The following UBTD2 variants were observed in gnomAD, a reference collection of about 807,000 sequenced individuals.
UBTD2 encodes ubiquitin domain-containing protein 2.
In UBTD2, 9 loss-of-function variants were observed where a neutral mutation model predicts 19.8. The ratio of observed to expected loss-of-function variants is 0.46; its 90% CI spans 0.27 to 0.79. The LOEUF is 0.79. Ranked by LOEUF, UBTD2 falls within the 30% of genes least tolerant of loss-of-function variation. The probability of loss-of-function intolerance (pLI) is 0.14; values close to 1 mark genes in which losing one functional copy is unlikely to be tolerated. For missense variants in UBTD2, 250 were observed against 300.4 expected, an observed-to-expected ratio of 0.83 and a Z score of 1.24; for synonymous variants, 98 against 103.9, an observed-to-expected ratio of 0.94 and a Z score of 0.35.
At chr5:172,241,413 T>TAAA (rs1175413571) in intron 1 of UBTD2, among the ~76,000 whole-genome samples, 4 of 118,282 alleles carry the variant, frequency 3.4e-5, no homozygotes, top group Non-Finnish European at 3.6e-5. Context: ...CTGTCTCAAT[T>TAAA]AAAAAAAAAA....
At chr5:172,277,242 TAA>T (rs1050070294) in intron 1 of UBTD2, among the ~76,000 whole-genome samples, 4 of 152,080 alleles carry the variant, frequency 2.6e-5, no homozygotes, top group Non-Finnish European at 4.4e-5. Flanking sequence ...ACAGAGGAAA[TAA>T]AAGTTTTCCA....
intron 1 of UBTD2, among the ~76,000 whole-genome samples, chr5:172,274,877 A>G (rs1484803815): frequency 6.6e-6 from 1 of 152,158 alleles, no homozygotes. Context: ...TCTACTAAAA[A>G]TACAAAAAAT....
chr5:172,274,129 G>A (rs1163370010), intron 1 of UBTD2, among the ~76,000 whole-genome samples: 4 of 130,754 alleles, frequency 3.1e-5, no homozygotes, highest in Admixed American at 2.6e-4. Context: ...GCTCAATTTT[G>A]CTTTACTTTT....
chr5:172,242,257 T>G (rs1467450154), intron 1 of UBTD2: 1 of 416,068 alleles, frequency 2.4e-6, no homozygotes, highest in African/African-American at 2.2e-5. Context: ...TATTCCTTTA[T>G]GGCAAGGCAA....
chr5:172,249,214 A>G (rs1348834320), intron 1 of UBTD2, among the ~76,000 whole-genome samples: 1 of 151,710 alleles, frequency 6.6e-6, no homozygotes, highest in African/African-American at 2.4e-5. Flanking sequence ...CTTGGCCAAC[A>G]TGGTGAAACC....
chr5:172,217,418 CAAAAA>C (rs35018283), intron 2 of UBTD2, among the ~76,000 whole-genome samples: 10 of 114,866 alleles, frequency 8.7e-5, no homozygotes, highest in Non-Finnish European at 1.5e-4. Context: ...GACTCTGTCT[CAAAAA>C]AAAAAAAAAA....
At chr5:172,252,183 TAA>T (rs2113068482) in intron 1 of UBTD2, among the ~76,000 whole-genome samples, 1 of 152,362 alleles carries the variant, frequency 6.6e-6, no homozygotes, top group Admixed American at 6.5e-5. Context: ...GTTACTTGAA[TAA>T]ATGTTTAACA....
intron 1 of UBTD2, among the ~76,000 whole-genome samples, chr5:172,240,972 C>A (rs1490728699): frequency 6.6e-6 from 1 of 151,680 alleles, no homozygotes; most frequent in Non-Finnish European, 1.5e-5. Context: ...AACATGAGAC[C>A]ACTGCAACTT....
intron 1 of UBTD2, among the ~76,000 whole-genome samples, chr5:172,246,394 T>A (rs1754882946): frequency 6.7e-6 from 1 of 149,010 alleles, no homozygotes; most frequent in East Asian, 2.0e-4. Context: ...TATCAGTCAC[T>A]ATATGATCTA....
intron 2 of UBTD2, among the ~76,000 whole-genome samples, chr5:172,222,367 C>T (rs1771669000): frequency 6.6e-6 from 1 of 152,174 alleles, no homozygotes; most frequent in African/African-American, 2.4e-5. Flanking sequence ...TTCTTACATT[C>T]TAGAGTCACT....
Position 172,278,755 on chromosome 5 carries a change from T to C in UBTD2, c.70+4841A>G, listed in dbSNP as rs545110320. On this transcript the variant is annotated intron_variant, in intron 1 of 2. Transcript: ENST00000393792. ...AAAATGGTTGAGACGGTAATTGTTA[T>C]ATGTTTTGCCACAATTTTATTTTTA... Among the ~76,000 whole-genome samples, 12 of 152,300 alleles carry C rather than the reference T, an allele frequency of 7.9e-5. 1 individual carries two copies. Among genetic ancestry groups the C allele is most frequent in the African/African-American group, 2.2e-4 (9 of 41,562 alleles).
intron 2 of UBTD2, among the ~76,000 whole-genome samples, chr5:172,223,221 A>G (rs1013702361): frequency 4.6e-5 from 7 of 152,218 alleles, no homozygotes; most frequent in African/African-American, 1.7e-4. Flanking sequence ...CAGCTGAATT[A>G]TCTACAAGTA....
intron 1 of UBTD2, among the ~76,000 whole-genome samples, chr5:172,266,638 T>C (rs1455769979): frequency 6.6e-6 from 1 of 152,138 alleles, no homozygotes; most frequent in East Asian, 1.9e-4. Flanking sequence ...AGGTGAGAGA[T>C]AGGGAGAGTA....
In UBTD2 at chr5:172,238,360, C is replaced by A. The variant is rs768220934; in HGVS notation, c.71-4002G>T. Among the ~76,000 whole-genome samples, 122 of 152,240 alleles carry A rather than the reference C, an allele frequency of 8.0e-4. 1 individual carries two copies. Among genetic ancestry groups the A allele is most frequent in the Admixed American group, 1.4e-3 (21 of 15,276 alleles). On this transcript the variant is annotated intron_variant, in intron 1 of 2. Transcript: ENST00000393792. Reference sequence around the variant, plus strand: ...TATCCTTAAACTGCAGGTAACCAACCATCTTTAGTGCACTATGAATTAACA... The same window carrying A: ...TATCCTTAAACTGCAGGTAACCAACAATCTTTAGTGCACTATGAATTAACA...
chr5:172,235,470 T>C (rs781042271), intron 1 of UBTD2, among the ~76,000 whole-genome samples: 7 of 152,186 alleles, frequency 4.6e-5, no homozygotes, highest in South Asian at 2.1e-4. Context: ...ATCAGTACTT[T>C]AGTTTTTTTG....
chr5:172,283,781 T>G, upstream of UBTD2: 2 of 660,444 alleles, frequency 3.0e-6, no homozygotes, highest in Non-Finnish European at 3.9e-6. The surrounding 1 kb of genome is among the most constrained non-coding windows in gnomAD (Gnocchi z 4.3). Context: ...GCCGCTCCGC[T>G]CGCCCGCCGC....
At chr5:172,263,457 T>C (rs1755312501) in intron 1 of UBTD2, among the ~76,000 whole-genome samples, 1 of 152,104 alleles carries the variant, frequency 6.6e-6, no homozygotes, top group African/African-American at 2.4e-5. Context: ...CATAAACATA[T>C]GTTATAAAGT....
intron 2 of UBTD2, among the ~76,000 whole-genome samples, chr5:172,233,436 A>C (rs1351614471): frequency 6.9e-6 from 1 of 144,170 alleles, no homozygotes; most frequent in African/African-American, 2.6e-5. Context: ...GAAAAATTCT[A>C]TGTTTCTCAT....
At chr5:172,275,446 G>C (rs988457622) in intron 1 of UBTD2, among the ~76,000 whole-genome samples, 2 of 152,074 alleles carry the variant, frequency 1.3e-5, no homozygotes, top group African/African-American at 4.8e-5. Context: ...AGAATGATCC[G>C]TTCTAAATAC....
Sources: gnomAD v4.1 joint callset for allele counts (sites outside exome capture counted in the v4.1 genomes callset) on GRCh38, gnomAD v4.1.1 for gene constraint, Gnocchi (gnomAD v3.1) non-coding constraint, MANE v1.5 for transcripts, NCBI Gene and HGNC (gene_info 2026-07-23, HGNC 2026-07-21) for gene names.